The following RASA2 variants were observed in gnomAD, a reference collection of about 807,000 sequenced individuals.
The protein encoded by RASA2 is ras GTPase-activating protein 2.
RASA2 carries 155 observed loss-of-function variants against 118.2 expected under a neutral mutation model. The observed-to-expected ratio is 1.31, with a 90% CI of 1.15 to 1.50. RASA2 has a LOEUF of 1.50. Among genes scored for constraint, RASA2 ranks in the 40% most tolerant of loss-of-function variants. RASA2 has a pLI of 0.00. For synonymous variants in RASA2, 353 were observed against 349.1 expected, an observed-to-expected ratio of 1.01 and a Z score of -0.12; for missense variants, 1,016 against 1,009.6, an observed-to-expected ratio of 1.01 and a Z score of -0.09.
intron 23 of RASA2, among the ~76,000 whole-genome samples, chr3:141,611,538 C>T (rs2083651848): frequency 6.6e-6 from 1 of 152,024 alleles, no homozygotes; most frequent in African/African-American, 2.4e-5. Flanking sequence ...TCAAATCAGC[C>T]CAACTTGGTT....
At chr3:141,496,551 G>C (rs902053676) in intron 1 of RASA2, among the ~76,000 whole-genome samples, 3 of 152,204 alleles carry the variant, frequency 2.0e-5, no homozygotes, top group Middle Eastern at 3.2e-3. Context: ...GCAGCCAACA[G>C]ACATATGAAA....
intron 9 of RASA2, among the ~76,000 whole-genome samples, chr3:141,570,128 G>T (rs2082894144): frequency 1.4e-5 from 2 of 146,404 alleles, no homozygotes; most frequent in African/African-American, 2.5e-5. Flanking sequence ...TCTGGTTTTG[G>T]TCCTGCAAAT....
intron 1 of RASA2, among the ~76,000 whole-genome samples, chr3:141,500,295 C>T (rs1446154005): frequency 6.6e-6 from 1 of 152,144 alleles, no homozygotes; most frequent in African/African-American, 2.4e-5. Context: ...ATTTGAGACT[C>T]TTTGGAAGGT....
intron 1 of RASA2, among the ~76,000 whole-genome samples, chr3:141,506,610 G>C (rs2081870703): frequency 1.3e-5 from 2 of 152,130 alleles, no homozygotes; most frequent in Non-Finnish European, 2.9e-5. Flanking sequence ...TGAATGTTAA[G>C]AATTTGGATT....
chr3:141,563,516 G>A (rs780799581), intron 9 of RASA2, among the ~76,000 whole-genome samples: 4 of 152,016 alleles, frequency 2.6e-5, no homozygotes, highest in Non-Finnish European at 5.9e-5. Flanking sequence ...TATTTAAGTG[G>A]TAATAGTTAT....
At chr3:141,594,888 A>G (rs959658857) in intron 19 of RASA2, among the ~76,000 whole-genome samples, 28 of 151,636 alleles carry the variant, frequency 1.8e-4, no homozygotes, top group African/African-American at 6.8e-4. Flanking sequence ...TTTTTTCTCC[A>G]TTTCTTTAAA....
intron 2 of RASA2, among the ~76,000 whole-genome samples, chr3:141,514,697 A>G (rs1347837540): frequency 1.3e-5 from 2 of 152,196 alleles, no homozygotes; most frequent in Non-Finnish European, 2.9e-5. Flanking sequence ...AATCAAAAGC[A>G]TGTGTCTAGA....
chr3:141,589,431 C>G (rs2083254730), intron 19 of RASA2, among the ~76,000 whole-genome samples: 1 of 152,056 alleles, frequency 6.6e-6, no homozygotes, highest in Non-Finnish European at 1.5e-5. Flanking sequence ...AAAACTGTAC[C>G]TACAAACATA....
intron 15 of RASA2, 39 bp from the exon 16 acceptor site, chr3:141,580,329 T>C: frequency 6.9e-7 from 1 of 1,451,012 alleles, no homozygotes; most frequent in African/African-American, 1.4e-5. Context: ...ACTATTTTCT[T>C]GAAAACTTAG....
chr3:141,558,688 T>A (rs762069318), intron 7 of RASA2, among the ~76,000 whole-genome samples, 198 bp from the exon 8 acceptor site: 28 of 137,748 alleles, frequency 2.0e-4, no homozygotes, highest in Non-Finnish European at 3.6e-4. Flanking sequence ...GGTATTATTT[T>A]GATTTTTTTT....
intron 3 of RASA2, among the ~76,000 whole-genome samples, chr3:141,527,498 T>C (rs1201872329): frequency 6.6e-6 from 1 of 152,066 alleles, no homozygotes; most frequent in East Asian, 1.9e-4. Flanking sequence ...TATAGATGTA[T>C]TTCTGTATGT....
chr3:141,601,452 GA>G (rs904563457), intron 19 of RASA2, among the ~76,000 whole-genome samples: 11 of 46,880 alleles, frequency 2.3e-4, no homozygotes, highest in African/African-American at 1.3e-3. Flanking sequence ...CAAAAAAAAA[GA>G]AAAAAAAAAG....
intron 14 of RASA2, 82 bp from the exon 15 acceptor site, chr3:141,576,916 CAT>C (rs2083020748): frequency 1.2e-6 from 1 of 839,234 alleles, no homozygotes; most frequent in Non-Finnish European, 1.8e-6. Flanking sequence ...TCCTAGTTTA[CAT>C]GTCTTTTCTA....
intron 9 of RASA2, among the ~76,000 whole-genome samples, chr3:141,562,486 G>C (rs1271678732): frequency 1.3e-5 from 2 of 150,146 alleles, no homozygotes; most frequent in African/African-American, 4.9e-5. Context: ...AGCTGGGCTT[G>C]GTAGTGGGCA....
intron 5 of RASA2, among the ~76,000 whole-genome samples, chr3:141,549,474 T>TGTGTGTGC (rs1167549056): frequency 5.7e-5 from 8 of 140,702 alleles, no homozygotes; most frequent in African/African-American, 2.2e-4. Flanking sequence ...TGTGTATGAG[T>TGTGTGTGC]GTGTGTGTGC....
intron 1 of RASA2, among the ~76,000 whole-genome samples, chr3:141,488,269 AT>A (rs750362702): frequency 4.3e-4 from 66 of 151,978 alleles, no homozygotes; most frequent in Non-Finnish European, 7.5e-4. Flanking sequence ...AATTAGCATT[AT>A]TTTCTTCATG....
intron 17 of RASA2, among the ~76,000 whole-genome samples, chr3:141,585,231 C>T (rs950997266): frequency 3.9e-5 from 6 of 151,906 alleles, no homozygotes; most frequent in Non-Finnish European, 7.4e-5. Context: ...TATTTAACAC[C>T]CCCCAGTGGA....
At chr3:141,552,646 A>G (rs749396794) in intron 5 of RASA2, among the ~76,000 whole-genome samples, 4 of 152,162 alleles carry the variant, frequency 2.6e-5, no homozygotes, top group Non-Finnish European at 5.9e-5. Context: ...TCAACCCAAC[A>G]TTAAAACCCA....
intron 17 of RASA2, 117 bp from the exon 18 acceptor site, chr3:141,585,908 T>C (rs955428965): frequency 4.7e-6 from 3 of 643,560 alleles, no homozygotes; most frequent in African/African-American, 1.8e-5. Context: ...ATTACTATTA[T>C]GTGTATTCAT....
Sources: gnomAD v4.1 joint callset for allele counts (sites outside exome capture counted in the v4.1 genomes callset) on GRCh38, gnomAD v4.1.1 for gene constraint, MANE v1.5 for transcripts, NCBI Gene and HGNC (gene_info 2026-07-23, HGNC 2026-07-21) for gene names.